MMD2: variants seen among roughly 807,000 people sequenced by gnomAD.
MMD2 encodes monocyte to macrophage differentiation associated 2.
MMD2 carries 30 observed loss-of-function variants against 33.5 expected under a neutral mutation model. The observed-to-expected ratio is 0.90, with a 90% CI of 0.67 to 1.22. MMD2 has a LOEUF of 1.22. MMD2 is among the 50% of genes most tolerant of loss of function. The probability of loss-of-function intolerance (pLI) is 0.00; values close to 1 mark genes in which losing one functional copy is unlikely to be tolerated. For missense variants in MMD2, 364 were observed against 325.4 expected (o/e 1.12, Z -0.91); for synonymous variants, 129 against 123.0 (o/e 1.05, Z -0.32).
rs566761673 is a variant in MMD2 at position 4,930,145 on chromosome 7, CT to C, written c.48-4614del. Among the ~76,000 whole-genome samples, 11 of 151,754 alleles carry C rather than the reference CT, an allele frequency of 7.2e-5. No individual in the cohort carries two copies. The South Asian group carries it at 1.9e-3, about 26-fold the overall frequency. On this transcript the variant is annotated intron_variant, in intron 1 of 6. Transcript: ENST00000401401. ...AATAGCTGAGTGTGGTGGCGGGCAC[CT>C]GTAGTCCCAGCTACTTGGAGGCTGA...
chr7:4,945,240 C>CTTCTTCTTCTTCTTCTTCT (rs1491481447), intron 1 of MMD2, among the ~76,000 whole-genome samples: 375 of 16,570 alleles, frequency 0.023, 11 homozygotes, highest in Non-Finnish European at 0.03. Context: ...CTTCTTCTTC[C>CTTCTTCTTCTTCTTCTTCT]TCTCTCTCTT....
Position 4,926,928 on chromosome 7 carries a change from T to C in MMD2, c.48-1396A>G, listed in dbSNP as rs1206666339. On this transcript the variant is annotated intron_variant, in intron 1 of 6. Transcript: ENST00000401401. ...CCCAGCTGATTTTTTATATTTTTAG[T>C]AGAGACGGGGTTTCACTGTTTTAGC... 2.0e-5 allele frequency among the ~76,000 whole-genome samples: 3 copies of C among 151,960 alleles called. No homozygotes were observed. In the East Asian group the frequency reaches 5.9e-4, roughly 30 times the overall value.
the MMD2 span, among the ~76,000 whole-genome samples, chr7:4,893,496 G>A: frequency 6.6e-6 from 1 of 151,824 alleles, no homozygotes; most frequent in South Asian, 2.1e-4. Flanking sequence ...GGTTCAAGCA[G>A]TTTTCATGCT....
chr7:4,917,347 C>A (rs1273831499), intron 3 of MMD2, among the ~76,000 whole-genome samples: 2 of 152,064 alleles, frequency 1.3e-5, no homozygotes, highest in Non-Finnish European at 2.9e-5. Flanking sequence ...CAGCACAGTA[C>A]ATAGTAAGTG....
chr7:4,900,211 C>T, the MMD2 span, among the ~76,000 whole-genome samples: 1 of 151,914 alleles, frequency 6.6e-6, no homozygotes. Context: ...TGAGGCAGCA[C>T]TGAGTGCACC....
intron 1 of MMD2, among the ~76,000 whole-genome samples, chr7:4,945,246 C>CTTCTTCTTCT (rs1562493963): frequency 3.1e-4 from 7 of 22,872 alleles, no homozygotes; most frequent in African/African-American, 4.1e-4. Context: ...CTTCCTCTCT[C>CTTCTTCTTCT]TCTTTCTTTC....
chr7:4,929,441 CCACCCA>C (rs1450318231), intron 1 of MMD2, among the ~76,000 whole-genome samples: 5 of 152,124 alleles, frequency 3.3e-5, no homozygotes, highest in African/African-American at 1.2e-4. Context: ...CGCCGCCCAT[CCACCCA>C]CCTTCCTCAA....
At chr7:4,901,798 C>T (rs1784798307), downstream of MMD2, among the ~76,000 whole-genome samples, 1 of 152,214 alleles carries the variant, frequency 6.6e-6, no homozygotes, top group African/African-American at 2.4e-5. Context: ...CCGGGGGAGC[C>T]TGCACCTGGC....
chr7:4,936,093 G>A (rs1235192478), intron 1 of MMD2, among the ~76,000 whole-genome samples: 1 of 150,164 alleles, frequency 6.7e-6, no homozygotes, highest in Non-Finnish European at 1.5e-5. Context: ...GCTGAGGCAG[G>A]AAAATCACTT....
chr7:4,893,592 A>T, the MMD2 span, among the ~76,000 whole-genome samples: 1 of 151,504 alleles, frequency 6.6e-6, no homozygotes, highest in Non-Finnish European at 1.5e-5. Context: ...TGGTTTTGCC[A>T]CGTTGGTCAG....
intron 4 of MMD2, among the ~76,000 whole-genome samples, chr7:4,913,640 C>T (rs957989009): frequency 6.7e-6 from 1 of 148,982 alleles, no homozygotes; most frequent in Non-Finnish European, 1.5e-5. Flanking sequence ...ATTGCTTGAA[C>T]CCGGGAGGCA....
the MMD2 span, among the ~76,000 whole-genome samples, chr7:4,900,817 G>A: frequency 2.0e-5 from 3 of 152,068 alleles, no homozygotes; most frequent in African/African-American, 7.2e-5. Flanking sequence ...CTTCCTGCTA[G>A]GGTTGACTCT....
chr7:4,950,611 TG>T (rs1786215432), intron 1 of MMD2, among the ~76,000 whole-genome samples: 1 of 152,178 alleles, frequency 6.6e-6, no homozygotes, highest in South Asian at 2.1e-4. Flanking sequence ...TTTGTCCCCT[TG>T]GGGCTGATTT....
At chr7:4,954,460 C>G (rs1192246220) in intron 1 of MMD2, among the ~76,000 whole-genome samples, 2 of 152,010 alleles carry the variant, frequency 1.3e-5, no homozygotes, top group Non-Finnish European at 2.9e-5. Flanking sequence ...CTCTGTCACC[C>G]AGGCTGGAGT....
intron 1 of MMD2, among the ~76,000 whole-genome samples, chr7:4,942,759 C>A (rs964260591): frequency 2.6e-5 from 4 of 151,764 alleles, no homozygotes; most frequent in Admixed American, 1.3e-4. Context: ...ACTACAGACA[C>A]GTGCCACCAC....
At chr7:4,913,819 G>A (rs868093980) in intron 4 of MMD2, among the ~76,000 whole-genome samples, 1 of 146,096 alleles carries the variant, frequency 6.8e-6, no homozygotes, top group Admixed American at 7.0e-5. Context: ...CTGCCACCAC[G>A]CCCGACTAAT....
intron 4 of MMD2, among the ~76,000 whole-genome samples, chr7:4,913,454 C>A (rs751090757): frequency 6.6e-6 from 1 of 152,136 alleles, no homozygotes; most frequent in East Asian, 1.9e-4. Flanking sequence ...CAGTGTCTCA[C>A]GCCTGTAATC....
At position 4,946,827 on chromosome 7, in the gene MMD2, G is replaced by T. The variant is rs1786099340; in HGVS notation, c.47+12144C>A. Among the ~76,000 whole-genome samples, 1 of 152,116 alleles carries T rather than the reference G, an allele frequency of 6.6e-6. No homozygotes were observed. The highest frequency in any genetic ancestry group is 2.4e-5 in the African/African-American group (1 of 41,432). ...GCTCACTGCAGCCTCGAATTCCTGG[G>T]CTCAACGGATCCTCCCCAGTAGCTG... On this transcript the variant is annotated intron_variant, in intron 1 of 6. Transcript: ENST00000401401. The surrounding 1 kb of genome is among the most constrained non-coding windows in gnomAD (Gnocchi z 5.0).
chr7:4,897,987 C>T, the MMD2 span, among the ~76,000 whole-genome samples: 1 of 152,144 alleles, frequency 6.6e-6, no homozygotes, highest in Non-Finnish European at 1.5e-5. Context: ...ATCCACCCAC[C>T]TTGGCCTCCC....
Sources: allele counts gnomAD v4.1 joint callset (sites outside exome capture counted in the v4.1 genomes callset), GRCh38; gene constraint gnomAD v4.1.1; non-coding constraint Gnocchi (gnomAD v3.1); transcripts MANE v1.5; gene names NCBI Gene and HGNC (gene_info 2026-07-23, HGNC 2026-07-21).